The following MYO3B variants were observed in gnomAD, a reference collection of about 807,000 sequenced individuals.
MYO3B encodes myosin-IIIb.
A neutral mutation model predicts 174.6 loss-of-function variants in MYO3B; 156 were observed. That is an observed-to-expected ratio of 0.89 (90% confidence interval 0.78 to 1.02). MYO3B has a LOEUF of 1.02. Among genes scored for constraint, MYO3B ranks in the 50% least tolerant of loss-of-function variants. The pLI is 0.00. For missense variants in MYO3B, 1,632 were observed against 1,639.4 expected (o/e 1.00, Z 0.08); for synonymous variants, 563 against 569.1 (o/e 0.99, Z 0.15).
At chr2:170,634,592 T>G (rs1697302405) in intron 32 of MYO3B, among the ~76,000 whole-genome samples, 1 of 152,294 alleles carries the variant, frequency 6.6e-6, no homozygotes, top group South Asian at 2.1e-4. Context: ...GCAAAAGCAA[T>G]GGCAACAAAA....
chr2:170,318,356 C>A (rs887840113), intron 7 of MYO3B, among the ~76,000 whole-genome samples: 1 of 152,160 alleles, frequency 6.6e-6, no homozygotes, highest in African/African-American at 2.4e-5. Flanking sequence ...TTACTACTTT[C>A]TAAATTATTC....
At chr2:170,210,663 T>C (rs529633860) in intron 3 of MYO3B, among the ~76,000 whole-genome samples, 8 of 152,338 alleles carry the variant, frequency 5.3e-5, no homozygotes, top group African/African-American at 1.7e-4. Flanking sequence ...CCTTAAAACA[T>C]TTAGCAAACC....
At chr2:170,250,924 G>C (rs530186650) in intron 7 of MYO3B, among the ~76,000 whole-genome samples, 1 of 151,896 alleles carries the variant, frequency 6.6e-6, no homozygotes, top group African/African-American at 2.4e-5. Context: ...TCGTCTGCTT[G>C]TCTGTGCTTC....
chr2:170,389,913 T>A (rs1261832041), intron 14 of MYO3B, among the ~76,000 whole-genome samples: 1 of 152,224 alleles, frequency 6.6e-6, no homozygotes, highest in African/African-American at 2.4e-5. Flanking sequence ...CAAGCTATTA[T>A]GCTTTCTCAC....
intron 28 of MYO3B, among the ~76,000 whole-genome samples, chr2:170,509,528 TACA>T: frequency 6.6e-6 from 1 of 152,354 alleles, no homozygotes; most frequent in East Asian, 1.9e-4. Context: ...AAAAATAGAA[TACA>T]ACAATAACAT....
chr2:170,540,234 G>A (rs1445669385), intron 30 of MYO3B, among the ~76,000 whole-genome samples: 3 of 151,930 alleles, frequency 2.0e-5, no homozygotes, highest in Non-Finnish European at 4.4e-5. Flanking sequence ...TGCAGCGGGA[G>A]GATCACTTGA....
At chr2:170,273,074 T>G (rs2093436992) in intron 7 of MYO3B, among the ~76,000 whole-genome samples, 1 of 152,086 alleles carries the variant, frequency 6.6e-6, no homozygotes, top group East Asian at 1.9e-4. Context: ...CAGCTGTATT[T>G]GCCATTTGAG....
At chr2:170,538,695 A>G (rs1689884394) in intron 30 of MYO3B, among the ~76,000 whole-genome samples, 1 of 152,160 alleles carries the variant, frequency 6.6e-6, no homozygotes, top group Admixed American at 6.5e-5. Context: ...ACGGTGACTG[A>G]GAGTTTCCGT....
intron 28 of MYO3B, among the ~76,000 whole-genome samples, chr2:170,505,067 CA>C (rs542279772): frequency 1.5e-3 from 226 of 152,016 alleles, no homozygotes; most frequent in African/African-American, 4.0e-3. Context: ...GTTCACCAGC[CA>C]GTAATCAAAT....
intron 7 of MYO3B, among the ~76,000 whole-genome samples, chr2:170,245,930 A>AAAAT (rs1158523902): frequency 1.3e-5 from 2 of 152,150 alleles, no homozygotes; most frequent in African/African-American, 2.4e-5. Context: ...AAAGTATAAT[A>AAAAT]AAATAAATAA....
chr2:170,430,202 A>G (rs115065035), intron 22 of MYO3B, among the ~76,000 whole-genome samples: 2,304 of 151,986 alleles, frequency 0.015, 33 homozygotes, highest in Non-Finnish European at 0.024. Context: ...TCTTTATAAG[A>G]CCCATAGAAG....
chr2:170,402,725 G>A, intron 18 of MYO3B, 123 bp from the exon 19 acceptor site: 1 of 843,372 alleles, frequency 1.2e-6, no homozygotes, highest in Non-Finnish European at 1.7e-6. Flanking sequence ...GTGGCAGGAT[G>A]CTGCTTTCCA....
At position 170,501,799 on chromosome 2, in the gene MYO3B, G is replaced by A; in HGVS notation, c.3304G>A (p.Asp1102Asn). The A allele has an allele frequency of 6.2e-7, 1 of 1,610,838 alleles. No homozygotes were observed. Among genetic ancestry groups the A allele is most frequent in the Non-Finnish European group, 8.5e-7 (1 of 1,177,068 alleles). ...TATATTTTTAGCCTGGAGAGGATAT[G>A]ATGCTCGGAGGAAATTTAAGAAAAT... is the stretch of plus-strand genomic sequence containing the variant. ...IAIQSAWRGY[D>N]ARRKFKKISN... is the part of the protein sequence containing the mutation. Residue 1102 changes from aspartate to asparagine, a missense_variant, in exon 28 of 35, where the codon GAT becomes AAT. Coordinates refer to ENST00000408978, the MANE Select transcript of MYO3B (RefSeq NM_138995.5).
At chr2:170,649,795 C>G (rs1698859530) in intron 32 of MYO3B, 1 of 143,106 alleles carries the variant, frequency 7.0e-6, no homozygotes, top group Admixed American at 7.3e-5. Flanking sequence ...CCACTACACT[C>G]CAGCCTGGGC....
chr2:170,293,269 T>A (rs1379496504), intron 7 of MYO3B, among the ~76,000 whole-genome samples: 1 of 152,224 alleles, frequency 6.6e-6, no homozygotes, highest in South Asian at 2.1e-4. Context: ...TTAAGTTTTA[T>A]ACTTTTTCCA....
intron 25 of MYO3B, among the ~76,000 whole-genome samples, chr2:170,475,613 C>T (rs923234355): frequency 2.0e-5 from 3 of 152,182 alleles, no homozygotes; most frequent in Non-Finnish European, 4.4e-5. Context: ...AATCTTTCAG[C>T]TGAATTTTTG....
intron 7 of MYO3B, among the ~76,000 whole-genome samples, chr2:170,258,109 G>T (rs1001169552): frequency 2.0e-5 from 3 of 151,956 alleles, no homozygotes; most frequent in African/African-American, 7.3e-5. Flanking sequence ...AAAAGCTATG[G>T]ACTAGATGGA....
intron 30 of MYO3B, among the ~76,000 whole-genome samples, chr2:170,520,188 A>T (rs1388958699): frequency 6.6e-6 from 1 of 152,020 alleles, no homozygotes. Context: ...TGCAGTTGGC[A>T]TCTAATGGGC....
At chr2:170,339,193 A>T (rs1031380636) in intron 8 of MYO3B, among the ~76,000 whole-genome samples, 1 of 152,194 alleles carries the variant, frequency 6.6e-6, no homozygotes, top group South Asian at 2.1e-4. Context: ...GGAGAAGATG[A>T]TTATCTGGTA....
Sources: gnomAD v4.1 joint callset for allele counts (sites outside exome capture counted in the v4.1 genomes callset) on GRCh38, gnomAD v4.1.1 for gene constraint, MANE v1.5 for transcripts, NCBI Gene and HGNC (gene_info 2026-07-23, HGNC 2026-07-21) for gene names.